VSIG1: variants seen among roughly 807,000 people sequenced by gnomAD.
VSIG1 encodes V-set and immunoglobulin domain-containing protein 1.
Under a neutral mutation model 20.1 loss-of-function variants are expected in VSIG1, and 11 were observed. That is an observed-to-expected ratio of 0.55 (90% CI 0.34 to 0.91). The LOEUF (loss-of-function observed/expected upper bound fraction) is 0.91. Among genes scored for constraint, VSIG1 ranks in the 40% least tolerant of loss-of-function variants. The pLI, the probability that VSIG1 is intolerant of heterozygous loss-of-function variation, is 0.02. For missense variants in VSIG1, 283 were observed against 298.8 expected (o/e 0.95, Z 0.39); for synonymous variants, 126 against 116.7 (o/e 1.08, Z -0.52).
upstream of VSIG1, among the ~76,000 whole-genome samples, chrX:108,042,767 G>T (rs2030499630): frequency 9.0e-6 from 1 of 111,666 alleles, no homozygotes; most frequent in Admixed American, 9.5e-5. Context: ...CACCCTACAA[G>T]TTGTCCTCCT....
chrX:108,060,642 T>C (rs1183497464), intron 2 of VSIG1, among the ~76,000 whole-genome samples: 2 of 111,852 alleles, frequency 1.8e-5, no homozygotes, highest in Non-Finnish European at 3.8e-5. Context: ...TCATGATGAA[T>C]GTCAATTCTT....
upstream of VSIG1, among the ~76,000 whole-genome samples, chrX:108,043,305 A>C (rs1464065444): frequency 8.9e-6 from 1 of 111,971 alleles, no homozygotes; most frequent in Non-Finnish European, 1.9e-5. Context: ...CTCATATTAT[A>C]ACATTGCTTC....
At chrX:108,047,498 G>A (rs994746743) in intron 1 of VSIG1, among the ~76,000 whole-genome samples, 2 of 110,076 alleles carry the variant, frequency 1.8e-5, no homozygotes, top group African/African-American at 3.3e-5. Context: ...GCATTTTAAA[G>A]GAGTAATATA....
chrX:108,021,257 T>G, the VSIG1 span, among the ~76,000 whole-genome samples: 1 of 111,915 alleles, frequency 8.9e-6, no homozygotes, highest in Non-Finnish European at 1.9e-5. Context: ...TCTGCTGCCC[T>G]GGGAACTGTC....
intron 1 of VSIG1, among the ~76,000 whole-genome samples, chrX:108,047,799 T>TATACATATATATATAC (rs2030622576): frequency 3.5e-4 from 24 of 68,542 alleles, no homozygotes; most frequent in Non-Finnish European, 2.6e-4. Flanking sequence ...TCTATATATA[T>TATACATATATATATAC]ATATATATAC....
chrX:108,041,198 C>T (rs776855859), upstream of VSIG1, among the ~76,000 whole-genome samples: 2 of 108,824 alleles, frequency 1.8e-5, no homozygotes, highest in South Asian at 8.3e-4. Context: ...CTAATGCGTG[C>T]TATGGTGACC....
At chrX:108,040,136 G>A (rs1002594572), upstream of VSIG1, among the ~76,000 whole-genome samples, 10 of 111,086 alleles carry the variant, frequency 9.0e-5, no homozygotes, top group African/African-American at 3.3e-4. Flanking sequence ...CAAACCCAGA[G>A]TAAGATTCAT....
At chrX:108,067,181 A>G (rs755602330) in intron 3 of VSIG1, 47 bp downstream of exon 3, 1 of 1,154,495 alleles carries the variant, frequency 8.7e-7, no homozygotes, top group South Asian at 1.8e-5. Flanking sequence ...AAAAGTTAGG[A>G]CACTGAATGA....
the VSIG1 span, among the ~76,000 whole-genome samples, chrX:108,037,988 G>T: frequency 8.9e-6 from 1 of 112,052 alleles, no homozygotes; most frequent in African/African-American, 3.2e-5. Flanking sequence ...ATTGGGCAAA[G>T]ATCTAGAGAA....
chrX:108,030,544 T>TA, the VSIG1 span, among the ~76,000 whole-genome samples: 1 of 111,659 alleles, frequency 9.0e-6, no homozygotes, highest in African/African-American at 3.3e-5. Context: ...CCAAAATAGT[T>TA]AAAGTGACTC....
At position 108,045,116 on chromosome X, in the gene VSIG1, A is replaced by G; in HGVS notation, c.-15A>G. 1 of 1,173,513 alleles carries G rather than the reference A, an allele frequency of 8.5e-7. No individual in the cohort carries two copies. The highest frequency in any genetic ancestry group is 1.1e-6 in the Non-Finnish European group (1 of 874,295). On this transcript the variant is annotated 5_prime_UTR_variant, in exon 1 of 7. Coordinates refer to ENST00000217957, the MANE Select transcript of VSIG1 (RefSeq NM_182607.5). Reference sequence around the variant, plus strand: ...AAGCTACTGGCACCTGCTGCTCTCAACTAACCTCCACACAATGGTGTTCGC... The same window carrying G: ...AAGCTACTGGCACCTGCTGCTCTCAGCTAACCTCCACACAATGGTGTTCGC...
At chrX:108,066,552 A>G (rs950830118) in intron 2 of VSIG1, among the ~76,000 whole-genome samples, 21 of 111,623 alleles carry the variant, frequency 1.9e-4, no homozygotes, top group Non-Finnish European at 3.8e-4. Context: ...AAAAAAAAAA[A>G]TGATGGTTTT....
At chrX:108,060,602 A>T (rs893142043) in intron 2 of VSIG1, among the ~76,000 whole-genome samples, 2 of 111,611 alleles carry the variant, frequency 1.8e-5, no homozygotes, top group Non-Finnish European at 3.8e-5. Context: ...GCTTTACCAG[A>T]TGAGTAGTTT....
At chrX:108,034,676 C>A in the VSIG1 span, among the ~76,000 whole-genome samples, 1 of 112,425 alleles carries the variant, frequency 8.9e-6, no homozygotes, top group Non-Finnish European at 1.9e-5. Context: ...AAGCACTTCA[C>A]AAATAGTAAC....
chrX:108,022,751 T>C, the VSIG1 span, among the ~76,000 whole-genome samples: 2,429 of 112,114 alleles, frequency 0.022, 50 homozygotes, highest in African/African-American at 0.075. Flanking sequence ...GATTTCCAAA[T>C]TGGAGATGGG....
chrX:108,043,639 T>C (rs1308545949), upstream of VSIG1, among the ~76,000 whole-genome samples: 2 of 111,520 alleles, frequency 1.8e-5, no homozygotes, highest in African/African-American at 6.5e-5. Context: ...ACTCTAGTGA[T>C]GGAAATCACC....
rs752242987 is a variant in VSIG1, at chrX:108,066,900, C to A, written c.214-36C>A. The A allele has an allele frequency of 6.9e-6, 8 of 1,166,167 alleles. No homozygotes were observed. In the African/African-American group the frequency reaches 1.1e-4, roughly 15 times the overall value. ...AGGTAGCTTATCCTAGTCCTGGACT[C>A]TCTCCAGTTCTCACTTCTGTTATTT... is the stretch of plus-strand genomic sequence containing the variant. On this transcript the variant is annotated intron_variant, in intron 2 of 6. Coordinates refer to ENST00000217957, the MANE Select transcript of VSIG1 (RefSeq NM_182607.5).
the VSIG1 span, among the ~76,000 whole-genome samples, chrX:108,030,583 G>C: frequency 1.8e-5 from 2 of 112,293 alleles, no homozygotes; most frequent in Admixed American, 1.9e-4. Flanking sequence ...TTATTCAGTT[G>C]ATGTGCATCA....
chrX:108,026,059 A>G, the VSIG1 span, among the ~76,000 whole-genome samples: 1 of 112,070 alleles, frequency 8.9e-6, no homozygotes, highest in Non-Finnish European at 1.9e-5. Flanking sequence ...TTTTCCCAAC[A>G]ATGTTGTCTG....
Sources: allele counts gnomAD v4.1 joint callset (sites outside exome capture counted in the v4.1 genomes callset), GRCh38; gene constraint gnomAD v4.1.1; transcripts MANE v1.5; gene names NCBI Gene and HGNC (gene_info 2026-07-23, HGNC 2026-07-21).